The following SREBF2 variants were observed in gnomAD, a reference collection of about 807,000 sequenced individuals.
The protein encoded by SREBF2 is sterol regulatory element-binding protein 2.
In SREBF2, 55 loss-of-function variants were observed where a neutral mutation model predicts 113.1. The observed-to-expected ratio is 0.49, with a 90% confidence interval of 0.39 to 0.61. SREBF2 has a LOEUF of 0.61. SREBF2 is among the 20% of genes least tolerant of loss of function. The probability of loss-of-function intolerance (pLI) is 0.00; values close to 1 mark genes in which losing one functional copy is unlikely to be tolerated. For missense variants in SREBF2, 1,349 were observed against 1,487.4 expected (o/e 0.91, Z 1.53); for synonymous variants, 593 against 605.7 (o/e 0.98, Z 0.31).
chr22:41,901,051 G>C (rs760611297), intron 16 of SREBF2: 1 of 492,700 alleles, frequency 2.0e-6, no homozygotes, highest in South Asian at 1.5e-5. Context: ...CTGACTGAAG[G>C]CCCTATCAGG....
In SREBF2 at chr22:41,893,143, C is replaced by T. The variant is rs2077380217; in HGVS notation, c.2235C>T (p.Ser745=). Residue 745 remains serine, a synonymous_variant, in exon 12 of 19, where the codon AGC becomes AGT. Coordinates refer to ENST00000361204, the MANE Select transcript of SREBF2 (RefSeq NM_004599.4). ...LASYFLSRAQ[S]LCGPEHSAVP... is the part of the protein sequence containing the mutation. ...GCTACTTCCTCAGCCGAGCCCAGAG[C>T]CTGTGTGGCCCCGAGCACAGTGCTG... 7 of 1,613,882 alleles carry T rather than the reference C, an allele frequency of 4.3e-6. No individual in the cohort carries two copies. The highest frequency in any genetic ancestry group is 5.9e-6 in the Non-Finnish European group (7 of 1,180,052).
intron 1 of SREBF2, among the ~76,000 whole-genome samples, chr22:41,845,617 G>A (rs961125973): frequency 6.6e-6 from 1 of 152,154 alleles, no homozygotes; most frequent in Non-Finnish European, 1.5e-5. Flanking sequence ...CTATAACAGA[G>A]GAACAACTCT....
At chr22:41,840,908 C>T (rs898904180) in intron 1 of SREBF2, among the ~76,000 whole-genome samples, 2 of 152,182 alleles carry the variant, frequency 1.3e-5, no homozygotes, top group Non-Finnish European at 2.9e-5. Flanking sequence ...GAGGAACTTC[C>T]AGTACCTGAG....
Position 41,837,872 on chromosome 22 carries a change from A to G in SREBF2, c.88+4514A>G, listed in dbSNP as rs182108144. Among the ~76,000 whole-genome samples the G allele has an allele frequency of 6.2e-3, 933 of 151,284 alleles. 8 individuals carry two copies. The highest frequency in any genetic ancestry group is 0.024 in the Middle Eastern group (7 of 288). On this transcript the variant is annotated intron_variant, in intron 1 of 18. Transcript: ENST00000361204. The stretch of plus-strand genomic sequence containing the variant: ...AGACTCTGTCTCAAAAAAAAAAAAA[A>G]AAAGAAAGAAAGAAAGAAATACCCA...
chr22:41,858,278 C>T (rs991970348), intron 1 of SREBF2, among the ~76,000 whole-genome samples: 2 of 151,994 alleles, frequency 1.3e-5, no homozygotes, highest in African/African-American at 2.4e-5. Flanking sequence ...ATAAAATGAA[C>T]GAAAAGTACA....
At chr22:41,894,960 C>G (rs1486487181) in intron 13 of SREBF2, 23 bp downstream of exon 13, 1 of 1,601,546 alleles carries the variant, frequency 6.2e-7, no homozygotes, top group Non-Finnish European at 8.6e-7. Flanking sequence ...GACCAGTCCC[C>G]CTGCCTTAGG....
rs553452169 is a variant in SREBF2 at position 41,903,183 on chromosome 22, G to A, written c.3093+28G>A. The A allele has an allele frequency of 1.9e-6, 3 of 1,545,996 alleles. No individual in the cohort carries two copies. The South Asian group carries it at 3.6e-5, about 18-fold the overall frequency. On this transcript the variant is annotated intron_variant, in intron 17 of 18. Coordinates refer to ENST00000361204, the MANE Select transcript of SREBF2 (RefSeq NM_004599.4). ...GAGGCCCAGCTGGCTGGTGGGGCAG[G>A]GCAGATTGGAGCCTGTGGGGCCTGA...
intron 1 of SREBF2, among the ~76,000 whole-genome samples, chr22:41,851,948 G>T (rs145074479): frequency 6.6e-6 from 1 of 152,002 alleles, no homozygotes; most frequent in Non-Finnish European, 1.5e-5. Flanking sequence ...GTGAAACCCC[G>T]TCTCTACTAA....
chr22:41,901,265 G>A (rs2077463649), intron 16 of SREBF2, among the ~76,000 whole-genome samples: 1 of 152,190 alleles, frequency 6.6e-6, no homozygotes, highest in African/African-American at 2.4e-5. Flanking sequence ...GGTCTTAGCT[G>A]GCTAGGCTAG....
chr22:41,861,024 A>G (rs868590627), intron 1 of SREBF2, among the ~76,000 whole-genome samples: 1 of 152,252 alleles, frequency 6.6e-6, no homozygotes, highest in African/African-American at 2.4e-5. Flanking sequence ...TACGTCTGTA[A>G]TGGTTGACAC....
chr22:41,900,574 C>T (rs1021513600), intron 16 of SREBF2, 76 bp downstream of exon 16: 21 of 1,480,998 alleles, frequency 1.4e-5, no homozygotes, highest in East Asian at 2.3e-5. Flanking sequence ...TCACCTCATG[C>T]TGACCCTGCG....
intron 11 of SREBF2, among the ~76,000 whole-genome samples, chr22:41,887,510 T>C (rs1939062800): frequency 6.6e-6 from 1 of 152,254 alleles, no homozygotes; most frequent in African/African-American, 2.4e-5. Context: ...GTTTTGTGTC[T>C]GACTTATTTT....
chr22:41,856,076 A>G (rs947798181), intron 1 of SREBF2, among the ~76,000 whole-genome samples: 1 of 151,996 alleles, frequency 6.6e-6, no homozygotes, highest in African/African-American at 2.4e-5. Context: ...TATAACTTTA[A>G]AGAGGCATAT....
intron 10 of SREBF2, among the ~76,000 whole-genome samples, chr22:41,882,041 CAAAAA>C (rs901580760): frequency 2.7e-5 from 4 of 146,374 alleles, no homozygotes; most frequent in Admixed American, 2.7e-4. Flanking sequence ...CATAGCACTC[CAAAAA>C]AAAAAGTTTA....
chr22:41,886,852 G>C (rs894010516), intron 11 of SREBF2, among the ~76,000 whole-genome samples: 10 of 152,192 alleles, frequency 6.6e-5, no homozygotes, highest in African/African-American at 2.4e-4. Flanking sequence ...TGACCAATAT[G>C]ATGAAACCCT....
chr22:41,885,582 G>A (rs2077291709), intron 11 of SREBF2: 1 of 165,030 alleles, frequency 6.1e-6, no homozygotes, highest in Non-Finnish European at 1.3e-5. Flanking sequence ...TGGCTATCAA[G>A]CACCTCCCAT....
rs1602318996 is a variant in SREBF2, at chr22:41,878,012, G to A, written c.1650G>A (p.Leu550=). The change falls in exon 9 of 19, where the codon CTG becomes CTA. Residue 550 remains leucine (L), a synonymous_variant. Transcript: ENST00000361204. The part of the protein sequence containing the change: ...LLWLVNGVIV[L]SVFVKLLVHG... ...GGCTGGTAAATGGTGTGATTGTCCTGAGCGTCTTTGTGAAGCTGCTGGTTC... is the reference window on the plus strand; with the variant it reads ...GGCTGGTAAATGGTGTGATTGTCCTAAGCGTCTTTGTGAAGCTGCTGGTTC... 2 of 1,614,110 alleles carry A rather than the reference G, an allele frequency of 1.2e-6. No individual in the cohort carries two copies. Among genetic ancestry groups the A allele is most frequent in the Non-Finnish European group, 1.7e-6 (2 of 1,180,028 alleles).
At chr22:41,869,046 G>C (rs1333139192) in intron 3 of SREBF2, among the ~76,000 whole-genome samples, 2 of 152,196 alleles carry the variant, frequency 1.3e-5, no homozygotes, top group African/African-American at 2.4e-5. Context: ...GGAAAGAAAT[G>C]TGCTAAATTG....
chr22:41,871,029 A>G lies in SREBF2; in HGVS notation c.861A>G (p.Gln287=), dbSNP rs2077135555. ...LTTPIQTAAL[Q]VPTLVGSSGT... is the part of the protein sequence containing the mutation. ...CCCCTATCCAGACGGCTGCCCTTCAAGTACCAGTAAGAGCTGCCTTCTCCC... is the reference window on the plus strand; with the variant it reads ...CCCCTATCCAGACGGCTGCCCTTCAGGTACCAGTAAGAGCTGCCTTCTCCC... Residue 287 remains glutamine (Q), a synonymous_variant, in exon 4 of 19, where the codon CAA becomes CAG. Transcript: ENST00000361204. 2 of 1,614,124 alleles carry G rather than the reference A, an allele frequency of 1.2e-6. No individual in the cohort carries two copies. Among genetic ancestry groups the G allele is most frequent in the Admixed American group, 3.3e-5 (2 of 60,018 alleles).
Sources: gnomAD v4.1 joint callset for allele counts (sites outside exome capture counted in the v4.1 genomes callset) on GRCh38, gnomAD v4.1.1 for gene constraint, MANE v1.5 for transcripts, NCBI Gene and HGNC (gene_info 2026-07-23, HGNC 2026-07-21) for gene names.